ZNF705G: variants seen among roughly 807,000 people sequenced by gnomAD.
ZNF705G encodes the protein zinc finger protein 705G, also known as putative zinc finger protein 705G.
A neutral mutation model predicts 19.6 loss-of-function variants in ZNF705G; 23 were observed. The ratio of observed to expected loss-of-function variants is 1.17; its 90% CI spans 0.84 to 1.66. ZNF705G has a LOEUF of 1.66. Among genes scored for constraint, ZNF705G ranks in the 40% most tolerant of loss-of-function variants. ZNF705G has a pLI of 0.00. For missense variants in ZNF705G, 457 were observed against 354.4 expected (o/e 1.29, Z -2.32); for synonymous variants, 146 against 117.7 (o/e 1.24, Z -1.56).
intron 2 of ZNF705G, among the ~76,000 whole-genome samples, chr8:7,368,924 A>G (rs1458476799): frequency 1.3e-5 from 2 of 149,710 alleles, no homozygotes; most frequent in Non-Finnish European, 2.9e-5. Context: ...GTACAGGAGT[A>G]CACTGCTGAT....
chr8:7,361,801 A>T (rs62636816), intron 3 of ZNF705G, among the ~76,000 whole-genome samples: 2 of 145,652 alleles, frequency 1.4e-5, no homozygotes, highest in Non-Finnish European at 2.9e-5. Context: ...TCCCTTATTC[A>T]TTAAAAAGTT....
At chr8:7,365,635 A>G (rs9773734) in intron 2 of ZNF705G, among the ~76,000 whole-genome samples, 55,080 of 146,752 alleles carry the variant, frequency 0.38, 5,373 homozygotes, top group African/African-American at 0.5. Context: ...CTCTCAAAGT[A>G]TTGGGATTAC....
At chr8:7,369,589 T>A (rs1301691368) in intron 2 of ZNF705G, among the ~76,000 whole-genome samples, 1 of 149,708 alleles carries the variant, frequency 6.7e-6, no homozygotes, top group African/African-American at 2.6e-5. Context: ...CATAAAGATG[T>A]GTGCACTCAT....
In ZNF705G at chr8:7,365,498, C is replaced by G. The variant is rs1806815511; in HGVS notation, c.-71-2481G>C. On this transcript the variant is annotated intron_variant, in intron 2 of 6. Transcript: ENST00000400156. Reference sequence around the variant, plus strand: ...GGTTCAAGCAATTCTCCAGCCTCAGCCTCCTGAGTAGCTGGGATGACAGGC... The same window carrying G: ...GGTTCAAGCAATTCTCCAGCCTCAGGCTCCTGAGTAGCTGGGATGACAGGC... Among the ~76,000 whole-genome samples, 2 of 148,588 alleles carry G rather than the reference C, an allele frequency of 1.3e-5. 1 individual carries two copies. Among genetic ancestry groups the G allele is most frequent in the African/African-American group, 5.2e-5 (2 of 38,144 alleles).
intron 5 of ZNF705G, among the ~76,000 whole-genome samples, chr8:7,359,954 C>T (rs1212691263): frequency 6.7e-6 from 1 of 149,332 alleles, no homozygotes; most frequent in African/African-American, 2.6e-5. Context: ...ATAGTCTTCA[C>T]AGGGGTATCA....
rs1184197515 is a variant in ZNF705G at position 7,356,342 on chromosome 8, G to A, written c.*1634C>T. 1 of 149,698 alleles carries A rather than the reference G, an allele frequency of 6.7e-6. No homozygotes were observed. The highest frequency in any genetic ancestry group is 1.5e-5 in the Non-Finnish European group (1 of 68,188). 9.3% of individuals were successfully genotyped at this position (149,698 alleles called of 1,614,324 possible). A position where few individuals can be genotyped will look rare whatever the true frequency, so the allele number is the denominator to read the frequency against. On this transcript the variant is annotated 3_prime_UTR_variant, in exon 7 of 7. Coordinates refer to ENST00000400156, the MANE Select transcript of ZNF705G (RefSeq NM_001164457.3). ...GACTTACCAGAATAAAATGTGGGGT[G>A]TTATGAGATGAACTGCTACTTCCAG... is the stretch of plus-strand genomic sequence containing the variant.
At chr8:7,361,284 T>G in intron 3 of ZNF705G, 48 bp from the exon 4 acceptor site, 1 of 1,592,302 alleles carries the variant, frequency 6.3e-7, no homozygotes, top group Non-Finnish European at 8.5e-7. Context: ...TTCCTTTCAA[T>G]GTCCGGAAGA....
At chr8:7,380,623 G>C (rs1177887928) in intron 2 of ZNF705G, among the ~76,000 whole-genome samples, 1 of 146,484 alleles carries the variant, frequency 6.8e-6, no homozygotes. Flanking sequence ...CATGCCATCT[G>C]GGGTCACGAG....
In ZNF705G at chr8:7,357,365, T is replaced by G. The variant is rs562260364; in HGVS notation, c.*611A>C. On this transcript the variant is annotated 3_prime_UTR_variant, in exon 7 of 7. Coordinates refer to ENST00000400156, the MANE Select transcript of ZNF705G (RefSeq NM_001164457.3). The stretch of plus-strand genomic sequence containing the variant: ...CCATTTTAGCAGCATTTTGTCACTC[T>G]TCTCTTGTGAACATCAAGCCTGGTG... 1.3e-5 allele frequency: 2 copies of G among 154,644 alleles called. No homozygotes were observed. Among genetic ancestry groups the G allele is most frequent in the Non-Finnish European group, 2.8e-5 (2 of 70,612 alleles). The allele number at this position is 154,644 out of a possible 1,614,324, so 9.6% of individuals were successfully genotyped here. A position where few individuals can be genotyped will look rare whatever the true frequency, so the allele number is the denominator to read the frequency against.
intron 2 of ZNF705G, among the ~76,000 whole-genome samples, chr8:7,370,343 A>T (rs555362295): frequency 6.7e-6 from 1 of 149,272 alleles, no homozygotes; most frequent in Non-Finnish European, 1.5e-5. Flanking sequence ...CAACAAATAT[A>T]TGAAAAAAAT....
intron 2 of ZNF705G, among the ~76,000 whole-genome samples, chr8:7,363,444 C>G (rs1406266029): frequency 6.7e-6 from 1 of 148,944 alleles, no homozygotes; most frequent in Non-Finnish European, 1.5e-5. Flanking sequence ...CCACCACAGC[C>G]TTCTGAAGCC....
rs183224878 is a variant in ZNF705G at position 7,360,671 on chromosome 8, G to A, written c.140-339C>T. Among the ~76,000 whole-genome samples, 201 of 149,224 alleles carry A rather than the reference G, an allele frequency of 1.3e-3. 26 individuals are homozygous for A. Among genetic ancestry groups the A allele is most frequent in the African/African-American group, 5.1e-3 (197 of 38,780 alleles). On this transcript the variant is annotated intron_variant, in intron 4 of 6. Coordinates refer to ENST00000400156, the MANE Select transcript of ZNF705G (RefSeq NM_001164457.3). ...ACAGTGTGTTTACTATTATTCTCAC[G>A]CACAACAAAAAAAAACATTCGATTT... is the stretch of plus-strand genomic sequence containing the variant.
rs1003604238 is a variant in ZNF705G, at chr8:7,359,720, A to G, written c.236-19T>C. 12 of 1,606,250 alleles carry G rather than the reference A, an allele frequency of 7.5e-6. No individual in the cohort carries two copies. The African/African-American group carries it at 1.7e-4, about 23-fold the overall frequency. ...TCCCTGTCTGAAATAATTGAAAAAT[A>G]AATTGTTACATTGGTATTATGGTAA... On this transcript the variant is annotated intron_variant, in intron 5 of 6. Transcript: ENST00000400156.
chr8:7,358,938 G>A (rs12682338), intron 6 of ZNF705G, among the ~76,000 whole-genome samples: 54,826 of 146,414 alleles, frequency 0.37, 5,374 homozygotes, highest in African/African-American at 0.5. Context: ...AGTTCACCAG[G>A]CACAAATGCA....
At chr8:7,365,142 A>C (rs958705520) in intron 2 of ZNF705G, among the ~76,000 whole-genome samples, 2 of 149,686 alleles carry the variant, frequency 1.3e-5, no homozygotes, top group Non-Finnish European at 2.9e-5. Context: ...TGTGGAATCT[A>C]TAAAAACTAT....
intron 2 of ZNF705G, among the ~76,000 whole-genome samples, chr8:7,367,131 G>C (rs1024412365): frequency 6.7e-6 from 1 of 149,620 alleles, no homozygotes; most frequent in South Asian, 2.1e-4. Flanking sequence ...AGAATGTGAA[G>C]TAACAATTCA....
intron 3 of ZNF705G, among the ~76,000 whole-genome samples, chr8:7,361,506 A>G (rs1307023838): frequency 1.3e-5 from 2 of 149,740 alleles, no homozygotes; most frequent in African/African-American, 5.1e-5. Context: ...TAATGTGTTA[A>G]TCACCTCTAC....
chr8:7,381,346 T>A (rs1807489170), intron 2 of ZNF705G, 106 bp downstream of exon 2: 1 of 90,874 alleles, frequency 1.1e-5, no homozygotes, highest in Non-Finnish European at 2.0e-5. Context: ...ATGCAGCTGT[T>A]CAGTTATTCC....
intron 2 of ZNF705G, among the ~76,000 whole-genome samples, chr8:7,371,832 C>A (rs1807108327): frequency 1.3e-4 from 8 of 59,944 alleles, no homozygotes; most frequent in Admixed American, 2.3e-4. Context: ...AAGGGGCCTG[C>A]ATCCCTAATG....
Sources: gnomAD v4.1 joint callset for allele counts (sites outside exome capture counted in the v4.1 genomes callset) on GRCh38, gnomAD v4.1.1 for gene constraint, MANE v1.5 for transcripts, NCBI Gene and HGNC (gene_info 2026-07-23, HGNC 2026-07-21) for gene names.